DCHS2: variants seen among roughly 807,000 people sequenced by gnomAD.
The protein encoded by DCHS2 is dachsous cadherin-related 2, also known as protocadherin-23.
Under a neutral mutation model 182.4 loss-of-function variants are expected in DCHS2, and 142 were observed. The observed-to-expected ratio is 0.78, with a 90% CI of 0.68 to 0.89. The LOEUF (loss-of-function observed/expected upper bound fraction) is 0.89. Among genes scored for constraint, DCHS2 ranks in the 40% least tolerant of loss-of-function variants. The probability of loss-of-function intolerance (pLI) is 0.00; values close to 1 mark genes in which losing one functional copy is unlikely to be tolerated. For synonymous variants in DCHS2, 1,740 were observed against 1,663.3 expected, an observed-to-expected ratio of 1.05 and a Z score of -1.12; for missense variants, 4,319 against 4,198.6, an observed-to-expected ratio of 1.03 and a Z score of -0.79.
chr4:154,427,136 AATAC>A (rs1220267247), intron 1 of DCHS2, among the ~76,000 whole-genome samples: 1 of 152,208 alleles, frequency 6.6e-6, no homozygotes, highest in African/African-American at 2.4e-5. Context: ...GTACCCCATA[AATAC>A]ATACAATTAT....
At chr4:154,285,786 G>A (rs1734366630) in intron 13 of DCHS2, among the ~76,000 whole-genome samples, 2 of 152,068 alleles carry the variant, frequency 1.3e-5, no homozygotes, top group Non-Finnish European at 2.9e-5. Flanking sequence ...ACACTCCTAG[G>A]CTTCAGGGGA....
intron 1 of DCHS2, among the ~76,000 whole-genome samples, chr4:154,397,911 C>T (rs1020231759): frequency 1.1e-4 from 17 of 152,136 alleles, no homozygotes; most frequent in Admixed American, 9.2e-4. Flanking sequence ...AGAATATCTG[C>T]TCATCTCTGT....
intron 14 of DCHS2, among the ~76,000 whole-genome samples, chr4:154,267,631 A>T (rs749565603): frequency 6.6e-6 from 1 of 152,166 alleles, no homozygotes; most frequent in Non-Finnish European, 1.5e-5. Flanking sequence ...ACCAGAGTTC[A>T]TCTGTCCCTC....
At chr4:154,408,931 C>A (rs948024081) in intron 1 of DCHS2, among the ~76,000 whole-genome samples, 2 of 152,252 alleles carry the variant, frequency 1.3e-5, no homozygotes, top group East Asian at 3.9e-4. Flanking sequence ...GAGTGAGCTG[C>A]GTGGAGTTCC....
At chr4:154,367,524 A>C (rs1579013436) in intron 2 of DCHS2, among the ~76,000 whole-genome samples, 1 of 152,280 alleles carries the variant, frequency 6.6e-6, no homozygotes, top group Non-Finnish European at 1.5e-5. Flanking sequence ...AAAATCAAGG[A>C]GAAAGAGAGC....
At chr4:154,471,191 T>C (rs1735450670) in intron 1 of DCHS2, among the ~76,000 whole-genome samples, 1 of 152,238 alleles carries the variant, frequency 6.6e-6, no homozygotes, top group Non-Finnish European at 1.5e-5. Flanking sequence ...TAAAAATGTT[T>C]CAACTCCACA....
chr4:154,310,053 A>G (rs1459732310), intron 10 of DCHS2, among the ~76,000 whole-genome samples: 3 of 152,362 alleles, frequency 2.0e-5, no homozygotes, highest in South Asian at 2.1e-4. Flanking sequence ...AGTGGCAGGT[A>G]TAATAAATAC....
chr4:154,290,378 T>TG (rs1734599053), intron 13 of DCHS2, among the ~76,000 whole-genome samples: 1 of 152,006 alleles, frequency 6.6e-6, no homozygotes, highest in Non-Finnish European at 1.5e-5. Context: ...AAAAGCAACC[T>TG]AAAGATTCAA....
At chr4:154,447,658 G>A (rs369302156) in intron 1 of DCHS2, among the ~76,000 whole-genome samples, 5 of 152,142 alleles carry the variant, frequency 3.3e-5, no homozygotes, top group African/African-American at 1.2e-4. Flanking sequence ...ATACCATGAG[G>A]TATTCTCAAG....
At chr4:154,305,040 T>C in intron 11 of DCHS2, 57 bp downstream of exon 11, 6 of 1,512,034 alleles carry the variant, frequency 4.0e-6, no homozygotes, top group Non-Finnish European at 5.3e-6. Flanking sequence ...CTTAACAGGT[T>C]TTTTTTAAAT....
In DCHS2 at chr4:154,234,964, C is replaced by T. The variant is rs779241751; in HGVS notation, c.9688G>A (p.Asp3230Asn). ...AGAAGATAATTCCAGTGATAGTTGTCTTTTCCATCATGATCAGAGGTCGTC... is the reference window on the plus strand; with the variant it reads ...AGAAGATAATTCCAGTGATAGTTGTTTTTTCCATCATGATCAGAGGTCGTC... ...TQTTSDHDGK[D>N]NYHWNYLLSW... The change falls in exon 20 of 20, where the codon GAC (aspartate) becomes AAC (asparagine). Residue 3230 changes from aspartate (D) to asparagine (N), a missense_variant. Asp to Asn is a conservative substitution (Grantham distance 23). Coordinates refer to ENST00000357232, the MANE Select transcript of DCHS2 (RefSeq NM_001358235.2). 4 of 1,614,074 alleles carry T rather than the reference C, an allele frequency of 2.5e-6. No individual in the cohort carries two copies. Among genetic ancestry groups the T allele is most frequent in the South Asian group, 1.1e-5 (1 of 91,080 alleles).
At chr4:154,391,372 G>A in intron 1 of DCHS2, 1 of 1,514,782 alleles carries the variant, frequency 6.6e-7, no homozygotes, top group Non-Finnish European at 8.8e-7. Context: ...TGTGCTACAG[G>A]TTCACATATG....
At chr4:154,403,372 G>GT (rs1732270829) in intron 1 of DCHS2, among the ~76,000 whole-genome samples, 1 of 151,964 alleles carries the variant, frequency 6.6e-6, no homozygotes, top group Non-Finnish European at 1.5e-5. Context: ...AATAAGTGTT[G>GT]TTTTTTCAAA....
intron 7 of DCHS2, among the ~76,000 whole-genome samples, chr4:154,325,383 G>A (rs1736240679): frequency 6.7e-6 from 1 of 149,602 alleles, no homozygotes; most frequent in South Asian, 2.1e-4. Flanking sequence ...CACAATCATT[G>A]TCCTTCACAG....
At chr4:154,262,914 T>G (rs1465786061) in intron 14 of DCHS2, among the ~76,000 whole-genome samples, 1 of 152,194 alleles carries the variant, frequency 6.6e-6, no homozygotes, top group Admixed American at 6.5e-5. Context: ...ATTTAGACAG[T>G]GAGAAATACA....
rs181469342 is a variant in DCHS2 at position 154,282,089 on chromosome 4, G to C, written c.6464-12076C>G. ...ACTCCAAAATTAATATAATATAGGA[G>C]GAGAGCTTCATGATATTTAATTTAG... On this transcript the variant is annotated intron_variant, in intron 13 of 19. Transcript: ENST00000357232. 9.9e-5 allele frequency among the ~76,000 whole-genome samples: 15 copies of C among 152,096 alleles called. No individual in the cohort carries two copies. The East Asian group carries it at 2.5e-3, about 25-fold the overall frequency.
At chr4:154,249,107 A>G (rs1160887397) in intron 16 of DCHS2, among the ~76,000 whole-genome samples, 1 of 152,230 alleles carries the variant, frequency 6.6e-6, no homozygotes, top group Non-Finnish European at 1.5e-5. Context: ...TAAACTAAAG[A>G]GCTTCTGCAC....
intron 10 of DCHS2, among the ~76,000 whole-genome samples, chr4:154,313,814 T>C (rs879867134): frequency 2.0e-5 from 3 of 152,212 alleles, no homozygotes; most frequent in Non-Finnish European, 4.4e-5. Flanking sequence ...AAGATGTTAA[T>C]GTGTATTTCA....
chr4:154,299,128 C>G (rs1267126492), intron 12 of DCHS2, among the ~76,000 whole-genome samples: 4 of 152,064 alleles, frequency 2.6e-5, no homozygotes, highest in Non-Finnish European at 2.9e-5. Context: ...TTTAAGATAT[C>G]AATCAGAAAT....
Sources: gnomAD v4.1 joint callset for allele counts (sites outside exome capture counted in the v4.1 genomes callset) on GRCh38, gnomAD v4.1.1 for gene constraint, MANE v1.5 for transcripts, NCBI Gene and HGNC (gene_info 2026-07-23, HGNC 2026-07-21) for gene names.